Variants in GIPC2 observed in about 807,000 individuals in gnomAD.
GIPC2 encodes GIPC PDZ domain containing family member 2.
Under a neutral mutation model 30.6 loss-of-function variants are expected in GIPC2, and 30 were observed. The observed-to-expected ratio is 0.98, with a 90% confidence interval of 0.73 to 1.33. The LOEUF (loss-of-function observed/expected upper bound fraction) is 1.33, where lower values mean the gene tolerates loss of function less well. GIPC2 is among the 40% of genes most tolerant of loss of function. The pLI, the probability that GIPC2 is intolerant of heterozygous loss-of-function variation, is 0.00. For missense variants in GIPC2, 414 were observed against 390.3 expected (o/e 1.06, Z -0.51); for synonymous variants, 167 against 150.0 (o/e 1.11, Z -0.83).
At chr1:78,112,392 A>G (rs755532224) in intron 3 of GIPC2, 9 of 518,518 alleles carry the variant, frequency 1.7e-5, no homozygotes, top group Non-Finnish European at 2.7e-5. Context: ...CTCTGTGTCC[A>G]TAGCATCCCA....
intron 1 of GIPC2, among the ~76,000 whole-genome samples, chr1:78,048,465 T>C (rs748227198): frequency 6.6e-6 from 1 of 151,940 alleles, no homozygotes; most frequent in Non-Finnish European, 1.5e-5. Flanking sequence ...CTCACTCTGT[T>C]GCCCAGGCTG....
At chr1:78,054,202 A>G (rs920541431) in intron 1 of GIPC2, among the ~76,000 whole-genome samples, 4 of 152,198 alleles carry the variant, frequency 2.6e-5, no homozygotes, top group Non-Finnish European at 5.9e-5. Flanking sequence ...AAATCTGGAT[A>G]CCTGCTATTG....
intron 1 of GIPC2, 22 bp downstream of exon 1, chr1:78,046,356 C>T (rs1171209278): frequency 6.4e-7 from 1 of 1,561,316 alleles, no homozygotes; most frequent in Non-Finnish European, 8.7e-7. Flanking sequence ...GGTGCTCAGG[C>T]TCTCCCGCCT....
intron 3 of GIPC2, among the ~76,000 whole-genome samples, chr1:78,098,704 G>T (rs1662186568): frequency 6.6e-6 from 1 of 151,590 alleles, no homozygotes; most frequent in Non-Finnish European, 1.5e-5. Context: ...TTTGTAGATA[G>T]GGGCTTTAAA....
intron 3 of GIPC2, among the ~76,000 whole-genome samples, chr1:78,118,726 G>A (rs545982844): frequency 6.6e-6 from 1 of 152,220 alleles, no homozygotes; most frequent in Middle Eastern, 3.4e-3. Flanking sequence ...CTTTCAAGAG[G>A]TGTGGGCTGG....
At position 78,046,277 on chromosome 1, in the gene GIPC2, C is replaced by T; in HGVS notation, c.183C>T (p.Ser61=). Reference sequence around the variant, plus strand: ...CCACGGGCCGAGTGGAGGGCTTCTCCAGCATCCAGGAGCTCTACGCCCAGA... The same window carrying T: ...CCACGGGCCGAGTGGAGGGCTTCTCTAGCATCCAGGAGCTCTACGCCCAGA... ...GSATGRVEGF[S]SIQELYAQIA... The change falls in exon 1 of 6, where the codon TCC becomes TCT. Residue 61 remains serine (S), a synonymous_variant. Coordinates refer to ENST00000370759, the MANE Select transcript of GIPC2 (RefSeq NM_017655.6). 1 of 1,612,064 alleles carries T rather than the reference C, an allele frequency of 6.2e-7. No homozygotes were observed. Among genetic ancestry groups the T allele is most frequent in the Non-Finnish European group, 8.5e-7 (1 of 1,179,552 alleles).
chr1:78,137,297 A>G lies in GIPC2; in HGVS notation c.*1554A>G, dbSNP rs1663023768. 6.6e-6 allele frequency: 1 copy of G among 152,118 alleles called. No homozygotes were observed. Among genetic ancestry groups the G allele is most frequent in the South Asian group, 2.1e-4 (1 of 4,832 alleles). 9.4% of individuals were successfully genotyped at this position (152,118 alleles called of 1,614,324 possible). ...TTTTGGAGGTTCTGAAATACCTATT[A>G]ATTCTTAATATTACCTCTCTTGGAA... On this transcript the variant is annotated 3_prime_UTR_variant, in exon 6 of 6. Transcript: ENST00000370759.
chr1:78,080,268 C>A (rs1210132076), intron 1 of GIPC2, among the ~76,000 whole-genome samples: 1 of 152,138 alleles, frequency 6.6e-6, no homozygotes, highest in African/African-American at 2.4e-5. Flanking sequence ...TTGGCAGAAA[C>A]CACTTTAAAA....
chr1:78,072,929 C>A (rs1168564847), intron 1 of GIPC2, among the ~76,000 whole-genome samples: 2 of 151,412 alleles, frequency 1.3e-5, no homozygotes, highest in African/African-American at 4.9e-5. Context: ...CTCAGCCTCC[C>A]GAGTAGCTGG....
At chr1:78,054,957 C>T (rs1048664880) in intron 1 of GIPC2, among the ~76,000 whole-genome samples, 2 of 152,174 alleles carry the variant, frequency 1.3e-5, no homozygotes, top group African/African-American at 2.4e-5. Flanking sequence ...AATCACCAAC[C>T]CAGCTACCCT....
At chr1:78,098,541 G>T (rs1205088348) in intron 3 of GIPC2, among the ~76,000 whole-genome samples, 3 of 152,086 alleles carry the variant, frequency 2.0e-5, no homozygotes, top group African/African-American at 7.2e-5. Context: ...GGTACTCTGT[G>T]TGGCATAGAA....
At chr1:78,114,649 A>T (rs1349406431) in intron 3 of GIPC2, among the ~76,000 whole-genome samples, 1 of 152,096 alleles carries the variant, frequency 6.6e-6, no homozygotes, top group Admixed American at 6.5e-5. Flanking sequence ...AAAAAAAAAA[A>T]TCTGGGATGT....
chr1:78,134,380 A>G (rs1300816923), intron 5 of GIPC2, among the ~76,000 whole-genome samples: 2 of 150,470 alleles, frequency 1.3e-5, no homozygotes, highest in African/African-American at 2.5e-5. Flanking sequence ...GTGTGTGTGT[A>G]TGTATGTGAT....
chr1:78,061,213 G>T (rs1371298371), intron 1 of GIPC2, among the ~76,000 whole-genome samples: 1 of 152,120 alleles, frequency 6.6e-6, no homozygotes, highest in African/African-American at 2.4e-5. Flanking sequence ...ATAACCAAAC[G>T]TGTTCCTTGA....
intron 1 of GIPC2, among the ~76,000 whole-genome samples, chr1:78,056,904 C>T (rs991913176): frequency 1.3e-5 from 2 of 152,126 alleles, no homozygotes; most frequent in Non-Finnish European, 2.9e-5. Flanking sequence ...GATTCCCCTT[C>T]GTCTTGTTCT....
chr1:78,078,002 A>C (rs201430117), intron 1 of GIPC2, among the ~76,000 whole-genome samples: 1 of 151,398 alleles, frequency 6.6e-6, no homozygotes, highest in East Asian at 1.9e-4. Flanking sequence ...TCCCGGCTAA[A>C]ACGGTGAAAC....
Position 78,046,222 on chromosome 1 carries a change from T to C in GIPC2, c.128T>C (p.Val43Ala). ...TCCCGGGCTCCCGCACGCAGGCTGG[T>C]CTTCCACGCGCAGCTGGCGCACGGT... ...SASRAPARRL[V>A]FHAQLAHGSA... is the part of the protein sequence containing the mutation. Residue 43 changes from valine (V) to alanine (A), a missense_variant, in exon 1 of 6, where the codon GTC becomes GCC. By Grantham distance (64) the Val-to-Ala change is moderately conservative. Transcript: ENST00000370759. 3.7e-6 allele frequency: 6 copies of C among 1,602,466 alleles called. No homozygotes were observed. Among genetic ancestry groups the C allele is most frequent in the Non-Finnish European group, 5.1e-6 (6 of 1,175,768 alleles).
chr1:78,105,288 A>ATT (rs1288336378), intron 3 of GIPC2, among the ~76,000 whole-genome samples: 12 of 140,466 alleles, frequency 8.5e-5, no homozygotes, highest in East Asian at 2.1e-4. Context: ...TGTAACTGTA[A>ATT]TTTTTTTTTT....
chr1:78,135,364 G>A (rs78296518), intron 5 of GIPC2, among the ~76,000 whole-genome samples: 3,632 of 152,264 alleles, frequency 0.024, 48 homozygotes, highest in Middle Eastern at 0.075. Context: ...AAGGGTGGCA[G>A]CTGCAAACCT....
Sources: allele counts gnomAD v4.1 joint callset (sites outside exome capture counted in the v4.1 genomes callset), GRCh38; gene constraint gnomAD v4.1.1; transcripts MANE v1.5; gene names NCBI Gene and HGNC (gene_info 2026-07-23, HGNC 2026-07-21).